Variants in IMPG2 observed in about 807,000 individuals in gnomAD.
IMPG2 encodes the protein interphotoreceptor matrix proteoglycan 2.
In IMPG2, 91 loss-of-function variants were observed where a neutral mutation model predicts 129.2. The ratio of observed to expected loss-of-function variants is 0.70; its 90% CI spans 0.59 to 0.84. IMPG2 has a LOEUF of 0.84. IMPG2 is among the 40% of genes least tolerant of loss of function. The pLI is 0.00. For missense variants in IMPG2, 1,430 were observed against 1,461.7 expected (o/e 0.98, Z 0.35); for synonymous variants, 510 against 517.7 (o/e 0.99, Z 0.20).
Position 101,229,377 on chromosome 3 carries a change from C to T in IMPG2, c.3633+3G>A. 6.2e-7 allele frequency: 1 copy of T among 1,610,726 alleles called. No homozygotes were observed. Among genetic ancestry groups the T allele is most frequent in the Non-Finnish European group, 8.5e-7 (1 of 1,179,208 alleles). ...ACAGCAACATAAATGCAAAGTTTCC[C>T]ACCTCTCTGGAAAGCTCACTGCTCT... On this transcript the variant is annotated splice_donor_region_variant and intron_variant, in intron 17 of 18. Transcript: ENST00000193391.
intron 2 of IMPG2, among the ~76,000 whole-genome samples, chr3:101,309,145 A>G (rs777335990): frequency 2.6e-5 from 4 of 152,170 alleles, no homozygotes; most frequent in Non-Finnish European, 5.9e-5. Context: ...TTCAACAAGT[A>G]TCTAGGAAGT....
chr3:101,287,025 C>T (rs1706952816), intron 4 of IMPG2, among the ~76,000 whole-genome samples: 1 of 152,146 alleles, frequency 6.6e-6, no homozygotes, highest in South Asian at 2.1e-4. Flanking sequence ...AGAAATAAAT[C>T]TCTTAGCAGG....
At chr3:101,266,563 G>A (rs188674110) in intron 9 of IMPG2, among the ~76,000 whole-genome samples, 29 of 152,086 alleles carry the variant, frequency 1.9e-4, no homozygotes, top group African/African-American at 5.3e-4. Flanking sequence ...ATTAAATTGC[G>A]TGCTTATATC....
At chr3:101,275,794 T>A in intron 5 of IMPG2, 49 bp from the exon 6 acceptor site, 1 of 1,311,726 alleles carries the variant, frequency 7.6e-7, no homozygotes, top group Non-Finnish European at 1.1e-6. Flanking sequence ...CTCGATTAAG[T>A]CAGAATTCCT....
At chr3:101,263,927 A>T (rs974286670) in intron 9 of IMPG2, among the ~76,000 whole-genome samples, 2 of 151,656 alleles carry the variant, frequency 1.3e-5, no homozygotes, top group Admixed American at 1.3e-4. Flanking sequence ...ATCAAATACC[A>T]CAGAAATGGA....
intron 3 of IMPG2, among the ~76,000 whole-genome samples, chr3:101,300,804 G>GC (rs1429434845): frequency 3.9e-5 from 6 of 152,162 alleles, no homozygotes; most frequent in African/African-American, 1.4e-4. Flanking sequence ...TCTTGGCCCC[G>GC]CCCCCCACTT....
chr3:101,281,980 AG>A (rs1187059908), intron 4 of IMPG2, among the ~76,000 whole-genome samples: 16 of 152,222 alleles, frequency 1.1e-4, no homozygotes, highest in African/African-American at 2.9e-4. Flanking sequence ...CAGAACTATA[AG>A]ATAATCTATG....
intron 3 of IMPG2, among the ~76,000 whole-genome samples, chr3:101,294,231 C>T (rs540544778): frequency 1.4e-4 from 21 of 152,072 alleles, no homozygotes; most frequent in African/African-American, 4.8e-4. Flanking sequence ...TCCTAATGCT[C>T]TCCCTCCCCT....
chr3:101,313,309 G>A (rs2058765360), intron 2 of IMPG2, among the ~76,000 whole-genome samples: 1 of 152,104 alleles, frequency 6.6e-6, no homozygotes, highest in Non-Finnish European at 1.5e-5. Flanking sequence ...GCAGAAGAGA[G>A]AAGAGCAAAA....
intron 2 of IMPG2, among the ~76,000 whole-genome samples, chr3:101,314,395 T>C (rs2058772743): frequency 6.6e-6 from 1 of 152,076 alleles, no homozygotes; most frequent in Non-Finnish European, 1.5e-5. Context: ...GGTAACCATA[T>C]ATATCAGTCA....
At chr3:101,232,660 C>T (rs1335722271) in intron 15 of IMPG2, 121 bp downstream of exon 15, 6 of 798,066 alleles carry the variant, frequency 7.5e-6, no homozygotes, top group Non-Finnish European at 1.2e-5. Flanking sequence ...CCATCTATTG[C>T]CTAGATATAA....
intron 8 of IMPG2, among the ~76,000 whole-genome samples, chr3:101,267,849 G>T (rs1295381423): frequency 1.3e-4 from 12 of 95,832 alleles, no homozygotes; most frequent in Non-Finnish European, 2.8e-4. Context: ...TAACAAAATT[G>T]GGAACCTTCT....
chr3:101,226,668 C>T lies in IMPG2; in HGVS notation c.*301G>A. On this transcript the variant is annotated 3_prime_UTR_variant, in exon 19 of 19. Coordinates refer to ENST00000193391, the MANE Select transcript of IMPG2 (RefSeq NM_016247.4). ...ACACCCCCAGTGATTCAGAAGCAGA[C>T]AGCAACTGCAGCCCTAAATCCTAGG... is the stretch of plus-strand genomic sequence containing the variant. The T allele has an allele frequency of 2.9e-6, 1 of 342,568 alleles. No individual in the cohort carries two copies. Among genetic ancestry groups the T allele is most frequent in the Non-Finnish European group, 5.3e-6 (1 of 189,666 alleles). The allele number at this position is 342,568 out of a possible 1,614,324, so 21.2% of individuals were successfully genotyped here. A position where few individuals can be genotyped will look rare whatever the true frequency, so the allele number is the denominator to read the frequency against.
At chr3:101,230,772 T>G (rs1449685042) in intron 16 of IMPG2, among the ~76,000 whole-genome samples, 185 bp downstream of exon 16, 2 of 152,232 alleles carry the variant, frequency 1.3e-5, no homozygotes, top group African/African-American at 4.8e-5. Context: ...CATCTTATTC[T>G]TAGTGCTACT....
In IMPG2 at chr3:101,231,024, T is replaced by C. The variant is rs886057686; in HGVS notation, c.3355A>G (p.Ile1119Val). The change falls in exon 16 of 19, where the codon ATC becomes GTC. Residue 1119 changes from isoleucine (I) to valine (V), a missense_variant. Transcript: ENST00000193391. ...VVGLLVIFSAIIYFFIRTLQA... is the reference protein window; with the variant it reads ...VVGLLVIFSAVIYFFIRTLQA... Reference sequence around the variant, plus strand: ...AGAGTCCTGATGAAGAAGTAGATGATAGCAGAAAAGATGACAAGAAGTCCA... The same window carrying C: ...AGAGTCCTGATGAAGAAGTAGATGACAGCAGAAAAGATGACAAGAAGTCCA... 4.3e-6 allele frequency: 7 copies of C among 1,614,058 alleles called. No homozygotes were observed. Among genetic ancestry groups the C allele is most frequent in the East Asian group, 4.5e-5 (2 of 44,874 alleles).
chr3:101,286,199 T>C (rs921640503), intron 4 of IMPG2, among the ~76,000 whole-genome samples: 9 of 152,140 alleles, frequency 5.9e-5, no homozygotes, highest in Non-Finnish European at 1.3e-4. Flanking sequence ...GTCTGGCCTA[T>C]AACTAATACA....
intron 14 of IMPG2, among the ~76,000 whole-genome samples, chr3:101,236,160 C>A (rs556628928): frequency 1.3e-5 from 2 of 152,070 alleles, no homozygotes; most frequent in East Asian, 3.8e-4. Flanking sequence ...TCAAGACTCC[C>A]GTGAGACTGA....
intron 2 of IMPG2, 42 bp from the exon 3 acceptor site, chr3:101,304,354 C>T: frequency 1.9e-6 from 3 of 1,558,442 alleles, no homozygotes; most frequent in African/African-American, 1.4e-5. Flanking sequence ...AGCTAACATG[C>T]TCTGGGGTTC....
chr3:101,314,241 C>CAATA (rs1303538538), intron 2 of IMPG2, among the ~76,000 whole-genome samples: 1 of 151,990 alleles, frequency 6.6e-6, no homozygotes, highest in African/African-American at 2.4e-5. Context: ...AACAAACAGC[C>CAATA]AATAAACTTG....
Sources: allele counts gnomAD v4.1 joint callset (sites outside exome capture counted in the v4.1 genomes callset), GRCh38; gene constraint gnomAD v4.1.1; transcripts MANE v1.5; gene names NCBI Gene and HGNC (gene_info 2026-07-23, HGNC 2026-07-21).